Variants in OTUD7A observed in about 807,000 individuals in gnomAD.
OTUD7A encodes OTU domain-containing protein 7A.
Under a neutral mutation model 65.7 loss-of-function variants are expected in OTUD7A, and 12 were observed. The observed-to-expected ratio is 0.18, with a 90% CI of 0.12 to 0.30. The LOEUF (loss-of-function observed/expected upper bound fraction) is 0.30, where lower values mean the gene tolerates loss of function less well. Among genes scored for constraint, OTUD7A ranks in the 10% least tolerant of loss-of-function variants. OTUD7A has a pLI of 1.00. For synonymous variants in OTUD7A, 641 were observed against 586.3 expected, an observed-to-expected ratio of 1.09 and a Z score of -1.35; for missense variants, 1,148 against 1,304.8, an observed-to-expected ratio of 0.88 and a Z score of 1.85.
chr15:31,851,091 G>A (rs1481825248), intron 1 of OTUD7A, among the ~76,000 whole-genome samples: 1 of 152,160 alleles, frequency 6.6e-6, no homozygotes, highest in Non-Finnish European at 1.5e-5. Context: ...AAACAGTATG[G>A]CAATATTAAA....
chr15:31,614,297 G>A (rs985071854), intron 3 of OTUD7A, among the ~76,000 whole-genome samples: 2 of 141,808 alleles, frequency 1.4e-5, no homozygotes, highest in Non-Finnish European at 3.1e-5. Context: ...ATAACCTATG[G>A]AAAAATAGAA....
At chr15:31,583,370 C>T (rs1007744359) in intron 3 of OTUD7A, among the ~76,000 whole-genome samples, 12 of 152,118 alleles carry the variant, frequency 7.9e-5, no homozygotes, top group East Asian at 3.8e-4. Flanking sequence ...CTGTGAAGCA[C>T]CTGCTTTGTA....
At chr15:31,638,112 C>T (rs190491143) in intron 3 of OTUD7A, among the ~76,000 whole-genome samples, 1 of 152,170 alleles carries the variant, frequency 6.6e-6, no homozygotes, top group Non-Finnish European at 1.5e-5. Flanking sequence ...GAGGAAGAGT[C>T]AATTAAATGC....
chr15:31,496,511 C>T (rs932808460), intron 10 of OTUD7A, among the ~76,000 whole-genome samples: 3 of 152,086 alleles, frequency 2.0e-5, no homozygotes, highest in African/African-American at 7.2e-5. Flanking sequence ...CATGAGCCAC[C>T]GCGCCCCGCC....
chr15:31,718,257 T>C (rs74332790), intron 1 of OTUD7A, among the ~76,000 whole-genome samples: 1 of 152,240 alleles, frequency 6.6e-6, no homozygotes, highest in Non-Finnish European at 1.5e-5. Context: ...TTTGTAAATA[T>C]TGTTTCTCAT....
intron 3 of OTUD7A, among the ~76,000 whole-genome samples, chr15:31,571,700 A>T (rs570700658): frequency 5.3e-5 from 8 of 152,326 alleles, no homozygotes; most frequent in South Asian, 2.1e-4. Context: ...CATTAATTAT[A>T]GGTTTCTGTT....
At chr15:31,803,817 G>A (rs1384974336) in intron 1 of OTUD7A, among the ~76,000 whole-genome samples, 1 of 152,216 alleles carries the variant, frequency 6.6e-6, no homozygotes, top group African/African-American at 2.4e-5. Context: ...AGGGGACAAG[G>A]TGAAAAGCCA....
At chr15:31,514,486 C>G (rs2041812891) in intron 8 of OTUD7A, among the ~76,000 whole-genome samples, 2 of 152,174 alleles carry the variant, frequency 1.3e-5, no homozygotes, top group South Asian at 4.1e-4. Context: ...TCATCTTTCT[C>G]TCCCTCTCAA....
chr15:31,828,589 T>C (rs1046002588), intron 1 of OTUD7A, among the ~76,000 whole-genome samples: 1 of 152,210 alleles, frequency 6.6e-6, no homozygotes, highest in African/African-American at 2.4e-5. Context: ...TTGCAGGCCT[T>C]AGTCATCTTT....
intron 1 of OTUD7A, among the ~76,000 whole-genome samples, chr15:31,690,204 T>G (rs575455059): frequency 5.0e-4 from 76 of 152,304 alleles, no homozygotes; most frequent in Middle Eastern, 3.4e-3. Context: ...TTGATTTTTG[T>G]GTTCTACTTT....
chr15:31,635,456 A>G (rs974957544), intron 3 of OTUD7A, among the ~76,000 whole-genome samples: 3 of 152,172 alleles, frequency 2.0e-5, no homozygotes, highest in African/African-American at 7.2e-5. Flanking sequence ...CCTCCCATCC[A>G]AGCATCCTTC....
At chr15:31,646,705 C>T (rs143272725) in intron 3 of OTUD7A, among the ~76,000 whole-genome samples, 10,124 of 152,000 alleles carry the variant, frequency 0.067, 503 homozygotes, top group African/African-American at 0.14. Flanking sequence ...GTGATCTGCC[C>T]GCCTTGGCCT....
At chr15:31,635,044 T>A (rs1460367393) in intron 3 of OTUD7A, among the ~76,000 whole-genome samples, 11 of 152,318 alleles carry the variant, frequency 7.2e-5, no homozygotes, top group Middle Eastern at 6.8e-3. Context: ...AAAGACACCA[T>A]CAGCAAGTCC....
At chr15:31,568,184 A>G (rs1391666282) in intron 4 of OTUD7A, among the ~76,000 whole-genome samples, 2 of 152,288 alleles carry the variant, frequency 1.3e-5, no homozygotes, top group Admixed American at 1.3e-4. Context: ...CTGAAAGCAG[A>G]GAGCAGCCAT....
chr15:31,729,758 C>T (rs1189783605), intron 1 of OTUD7A, among the ~76,000 whole-genome samples: 3 of 152,162 alleles, frequency 2.0e-5, no homozygotes, highest in Non-Finnish European at 4.4e-5. Context: ...GGCAAGGCTC[C>T]TCCAAACGAT....
chr15:31,517,193 A>C (rs2041871568), intron 8 of OTUD7A, among the ~76,000 whole-genome samples: 1 of 152,088 alleles, frequency 6.6e-6, no homozygotes, highest in East Asian at 1.9e-4. Context: ...GTAAACGCCT[A>C]TGTCCAGGTC....
intron 1 of OTUD7A, among the ~76,000 whole-genome samples, chr15:31,818,154 C>T (rs1896597318): frequency 1.3e-5 from 2 of 152,180 alleles, no homozygotes; most frequent in South Asian, 2.1e-4. Context: ...CTGGACTTCT[C>T]GGACTCCCAA....
chr15:31,793,784 T>C (rs1311272068), intron 1 of OTUD7A, among the ~76,000 whole-genome samples: 1 of 152,236 alleles, frequency 6.6e-6, no homozygotes, highest in Non-Finnish European at 1.5e-5. Context: ...TTTCCTGTTC[T>C]GTAAAATGCC....
In OTUD7A at chr15:31,503,833, A is replaced by G. The variant is rs1160430932; in HGVS notation, c.894-15T>C. 4 of 1,613,884 alleles carry G rather than the reference A, an allele frequency of 2.5e-6. No individual in the cohort carries two copies. Among genetic ancestry groups the G allele is most frequent in the South Asian group, 1.1e-5 (1 of 91,066 alleles). The stretch of plus-strand genomic sequence containing the variant: ...AGTTGTCCACACTGTGAAACAAAAC[A>G]GAGCCAGCTGGTCACTGACTAAAAC... On this transcript the variant is annotated splice_polypyrimidine_tract_variant and intron_variant, in intron 8 of 12. Coordinates refer to ENST00000307050, the MANE Select transcript of OTUD7A (RefSeq NM_001382637.1).
Sources: allele counts gnomAD v4.1 joint callset (sites outside exome capture counted in the v4.1 genomes callset), GRCh38; gene constraint gnomAD v4.1.1; transcripts MANE v1.5; gene names NCBI Gene and HGNC (gene_info 2026-07-23, HGNC 2026-07-21).